Variants in TRAF2 observed in about 807,000 individuals in gnomAD.
The protein encoded by TRAF2 is TNF receptor associated factor 2.
TRAF2 carries 6 observed loss-of-function variants against 55.6 expected under a neutral mutation model. The ratio of observed to expected loss-of-function variants is 0.11; its 90% CI spans 0.06 to 0.21. The LOEUF (loss-of-function observed/expected upper bound fraction) is 0.21, where lower values mean the gene tolerates loss of function less well. Among genes scored for constraint, TRAF2 ranks in the 10% least tolerant of loss-of-function variants. The pLI, the probability that TRAF2 is intolerant of heterozygous loss-of-function variation, is 1.00. For synonymous variants in TRAF2, 329 were observed against 276.3 expected (o/e 1.19, Z -1.89); for missense variants, 561 against 684.5 (o/e 0.82, Z 2.01).
At chr9:136,921,316 T>G in intron 9 of TRAF2, 101 bp downstream of exon 9, 1 of 1,442,394 alleles carries the variant, frequency 6.9e-7, no homozygotes, top group Non-Finnish European at 9.5e-7. Flanking sequence ...AGGGTGGGGC[T>G]GGGATACGAC....
chr9:136,926,496 GC>G lies in TRAF2; in HGVS notation c.*597del, dbSNP rs1850536294. 4.4e-6 allele frequency: 1 copy of G among 226,624 alleles called. No individual in the cohort carries two copies. Among genetic ancestry groups the G allele is most frequent in the Non-Finnish European group, 8.9e-6 (1 of 111,794 alleles). 14.0% of individuals were successfully genotyped at this position (226,624 alleles called of 1,614,324 possible). ...GCTGTGGGAGAGGGTCTGGTCCCACGCCGCCTCTGCTCAGACCACTGTGTGG... is the reference window on the plus strand; with the variant it reads ...GCTGTGGGAGAGGGTCTGGTCCCACGCGCCTCTGCTCAGACCACTGTGTGG... On this transcript the variant is annotated 3_prime_UTR_variant, in exon 11 of 11. Coordinates refer to ENST00000247668, the MANE Select transcript of TRAF2 (RefSeq NM_021138.4).
At chr9:136,888,858 G>C (rs971082248) in intron 1 of TRAF2, among the ~76,000 whole-genome samples, 1 of 152,148 alleles carries the variant, frequency 6.6e-6, no homozygotes, top group Non-Finnish European at 1.5e-5. Context: ...CCAGCAACAA[G>C]GGTGCCAGAT....
chr9:136,919,992 A>C (rs1850344619), intron 7 of TRAF2, among the ~76,000 whole-genome samples: 1 of 152,196 alleles, frequency 6.6e-6, no homozygotes, highest in Non-Finnish European at 1.5e-5. Context: ...TGCTGGAATC[A>C]CAGTTGCTAG....
intron 6 of TRAF2, among the ~76,000 whole-genome samples, chr9:136,911,393 T>A (rs1302720558): frequency 1.3e-5 from 2 of 151,450 alleles, no homozygotes; most frequent in African/African-American, 4.9e-5. Context: ...GCTTCCCGAG[T>A]AGCTGGGATT....
chr9:136,884,509 G>A (rs1304600458), upstream of TRAF2, among the ~76,000 whole-genome samples: 2 of 151,926 alleles, frequency 1.3e-5, no homozygotes, highest in Admixed American at 6.5e-5. Context: ...GCAGTGAGCC[G>A]AGATCGCACC....
chr9:136,900,643 G>A (rs1173770812), intron 4 of TRAF2, 123 bp downstream of exon 4: 10 of 798,872 alleles, frequency 1.3e-5, no homozygotes, highest in East Asian at 2.7e-5. Context: ...CCTGTCTGAT[G>A]TCTGTGGAGG....
intron 1 of TRAF2, among the ~76,000 whole-genome samples, chr9:136,887,588 C>T (rs1249571411): frequency 6.6e-6 from 1 of 152,122 alleles, no homozygotes; most frequent in East Asian, 1.9e-4. Flanking sequence ...TCAAGGGAAA[C>T]TAGGACTGAG....
chr9:136,912,151 C>CTTTTTTT (rs1468376221), intron 6 of TRAF2, among the ~76,000 whole-genome samples: 2 of 115,482 alleles, frequency 1.7e-5, no homozygotes, highest in African/African-American at 7.5e-5. Flanking sequence ...TGCGTCTGGC[C>CTTTTTTT]CTTTTTTTTT....
intron 1 of TRAF2, among the ~76,000 whole-genome samples, chr9:136,892,134 C>T (rs1175549348): frequency 6.6e-6 from 1 of 152,064 alleles, no homozygotes; most frequent in Admixed American, 6.5e-5. Context: ...TATTTAACAT[C>T]TTATAATAAG....
intron 2 of TRAF2, 25 bp from the exon 3 acceptor site, chr9:136,899,569 G>GT (rs776232610): frequency 4.4e-6 from 7 of 1,599,530 alleles, no homozygotes; most frequent in African/African-American, 2.7e-5. Flanking sequence ...ACAGTGGGTT[G>GT]TTTTTTGCCT....
At chr9:136,901,722 T>A (rs897181994) in intron 4 of TRAF2, among the ~76,000 whole-genome samples, 1 of 152,204 alleles carries the variant, frequency 6.6e-6, no homozygotes, top group Admixed American at 6.5e-5. Flanking sequence ...CTTTCTGCAC[T>A]TAGGGGAGCT....
At chr9:136,898,167 C>T (rs568077074) in intron 1 of TRAF2, among the ~76,000 whole-genome samples, 14 of 152,312 alleles carry the variant, frequency 9.2e-5, no homozygotes, top group Middle Eastern at 3.4e-3. Context: ...AGGTGTGCTA[C>T]ATTCCCGCTC....
intron 8 of TRAF2, 23 bp downstream of exon 8, chr9:136,920,538 G>T: frequency 6.3e-7 from 1 of 1,594,350 alleles, no homozygotes; most frequent in Non-Finnish European, 8.6e-7. Context: ...CGGGTGGCCA[G>T]CCATGAGGAG....
intron 9 of TRAF2, among the ~76,000 whole-genome samples, chr9:136,922,657 T>G (rs1440167388): frequency 1.5e-3 from 38 of 25,570 alleles, no homozygotes; most frequent in South Asian, 4.0e-3. Context: ...AGGACGAGGA[T>G]GGGGAGGATG....
At chr9:136,882,410 C>A (rs981228764), upstream of TRAF2, among the ~76,000 whole-genome samples, 1 of 152,244 alleles carries the variant, frequency 6.6e-6, no homozygotes, top group Non-Finnish European at 1.5e-5. Flanking sequence ...CTGGCATCCA[C>A]GGCAGCATCT....
intron 6 of TRAF2, among the ~76,000 whole-genome samples, chr9:136,912,777 C>CA (rs1850147570): frequency 6.6e-6 from 1 of 152,080 alleles, no homozygotes; most frequent in Non-Finnish European, 1.5e-5. Flanking sequence ...GTGGAGGTTG[C>CA]AGTGAGCTGA....
chr9:136,917,022 C>T (rs17250518), intron 7 of TRAF2, among the ~76,000 whole-genome samples: 105 of 152,292 alleles, frequency 6.9e-4, no homozygotes, highest in African/African-American at 1.9e-3. Flanking sequence ...CTGAGCCCTC[C>T]GCCACCAGCA....
chr9:136,900,281 G>A (rs2131293433), intron 3 of TRAF2, 141 bp from the exon 4 acceptor site: 1 of 546,926 alleles, frequency 1.8e-6, no homozygotes, highest in Non-Finnish European at 3.2e-6. Context: ...AAAGGAATCA[G>A]AGAGTCATCC....
intron 3 of TRAF2, 140 bp downstream of exon 3, chr9:136,899,812 TC>T: frequency 1.4e-6 from 1 of 736,240 alleles, no homozygotes; most frequent in Non-Finnish European, 2.1e-6. Flanking sequence ...ATTGCTTGAG[TC>T]CAGGAGTTTG....
Sources: allele counts gnomAD v4.1 joint callset (sites outside exome capture counted in the v4.1 genomes callset), GRCh38; gene constraint gnomAD v4.1.1; transcripts MANE v1.5; gene names NCBI Gene and HGNC (gene_info 2026-07-23, HGNC 2026-07-21).